Variants in CACNA2D3 observed in about 807,000 individuals in gnomAD.
CACNA2D3 encodes the protein calcium voltage-gated channel auxiliary subunit alpha2delta 3, also known as voltage-dependent calcium channel subunit alpha-2/delta-3.
CACNA2D3 carries 60 observed loss-of-function variants against 160.6 expected under a neutral mutation model. The ratio of observed to expected loss-of-function variants is 0.37; its 90% confidence interval spans 0.30 to 0.46. The LOEUF is 0.46. Among genes scored for constraint, CACNA2D3 ranks in the 20% least tolerant of loss-of-function variants. The probability of loss-of-function intolerance (pLI) is 1.00; values close to 1 mark genes in which losing one functional copy is unlikely to be tolerated. For missense variants in CACNA2D3, 1,205 were observed against 1,365.0 expected, an observed-to-expected ratio of 0.88 and a Z score of 1.85; for synonymous variants, 558 against 492.9, an observed-to-expected ratio of 1.13 and a Z score of -1.75.
chr3:54,558,079 G>T (rs1702266899), intron 5 of CACNA2D3, among the ~76,000 whole-genome samples: 1 of 152,158 alleles, frequency 6.6e-6, no homozygotes, highest in Admixed American at 6.5e-5. Context: ...AGGAGAGGAG[G>T]TGCACTGGGG....
At chr3:54,814,686 T>A (rs1364274959) in intron 13 of CACNA2D3, among the ~76,000 whole-genome samples, 1 of 152,198 alleles carries the variant, frequency 6.6e-6, no homozygotes, top group African/African-American at 2.4e-5. Flanking sequence ...GTGGGGAGGA[T>A]GAGGGCAGTC....
intron 5 of CACNA2D3, among the ~76,000 whole-genome samples, chr3:54,524,692 T>C (rs1486086506): frequency 6.6e-6 from 1 of 152,140 alleles, no homozygotes; most frequent in Non-Finnish European, 1.5e-5. Flanking sequence ...ATGTGTATAA[T>C]TGTTATATCT....
chr3:54,374,085 G>A (rs1436056959), intron 3 of CACNA2D3, among the ~76,000 whole-genome samples: 1 of 152,168 alleles, frequency 6.6e-6, no homozygotes. Flanking sequence ...GGCGTTTCAA[G>A]TAGGCAGGGG....
chr3:54,558,584 A>G (rs999607148), intron 5 of CACNA2D3, among the ~76,000 whole-genome samples: 1 of 152,068 alleles, frequency 6.6e-6, no homozygotes, highest in African/African-American at 2.4e-5. Flanking sequence ...TCCACCCTCA[A>G]GTAGGCCCCA....
At chr3:54,752,529 C>A in intron 11 of CACNA2D3, 70 bp from the exon 12 acceptor site, 2 of 988,300 alleles carry the variant, frequency 2.0e-6, no homozygotes, top group Non-Finnish European at 3.2e-6. Flanking sequence ...TGTGTGTGAG[C>A]CATGCATGTG....
intron 4 of CACNA2D3, among the ~76,000 whole-genome samples, chr3:54,391,859 C>G (rs1379343570): frequency 6.6e-6 from 1 of 152,144 alleles, no homozygotes. Context: ...AGCCCTCTGG[C>G]TTGTCCCTCT....
At chr3:54,434,522 A>G (rs900150715) in intron 4 of CACNA2D3, among the ~76,000 whole-genome samples, 6 of 152,228 alleles carry the variant, frequency 3.9e-5, no homozygotes, top group African/African-American at 1.4e-4. Context: ...GGGTGGTCCC[A>G]GTTAACTAAC....
chr3:54,231,260 C>T (rs1364123320), intron 2 of CACNA2D3, among the ~76,000 whole-genome samples: 1 of 152,156 alleles, frequency 6.6e-6, no homozygotes, highest in Non-Finnish European at 1.5e-5. Flanking sequence ...AGGGGAGCAC[C>T]TTGGCTGGGT....
At chr3:54,270,404 A>G (rs1318946399) in intron 2 of CACNA2D3, among the ~76,000 whole-genome samples, 1 of 152,226 alleles carries the variant, frequency 6.6e-6, no homozygotes, top group East Asian at 1.9e-4. Flanking sequence ...CTGCTCTTGA[A>G]TATACCCCAC....
At chr3:54,550,247 C>T (rs761495979) in intron 5 of CACNA2D3, among the ~76,000 whole-genome samples, 17 of 152,208 alleles carry the variant, frequency 1.1e-4, no homozygotes, top group Admixed American at 3.3e-4. Context: ...CCTGCATCGC[C>T]CGTCCCCTGC....
chr3:54,183,911 A>G (rs1700831532), intron 2 of CACNA2D3, among the ~76,000 whole-genome samples: 1 of 151,074 alleles, frequency 6.6e-6, no homozygotes, highest in Admixed American at 6.6e-5. Context: ...AAAAAAAAAA[A>G]AAAAAAAAAG....
At chr3:55,034,464 T>G (rs1703769821) in intron 35 of CACNA2D3, among the ~76,000 whole-genome samples, 1 of 152,034 alleles carries the variant, frequency 6.6e-6, no homozygotes, top group Non-Finnish European at 1.5e-5. Flanking sequence ...AGTAAGAAAA[T>G]TAACCATTTT....
intron 11 of CACNA2D3, among the ~76,000 whole-genome samples, chr3:54,740,123 C>T (rs2107039441): frequency 6.6e-6 from 1 of 152,052 alleles, no homozygotes; most frequent in African/African-American, 2.4e-5. Flanking sequence ...GAAAAGGACA[C>T]CAAAGACAGG....
chr3:54,243,933 A>G (rs1262916460), intron 2 of CACNA2D3, among the ~76,000 whole-genome samples: 1 of 152,188 alleles, frequency 6.6e-6, no homozygotes, highest in African/African-American at 2.4e-5. Context: ...GAATTGCACA[A>G]TGCTAGTCTG....
chr3:55,067,583 A>G (rs1704691105), intron 35 of CACNA2D3, among the ~76,000 whole-genome samples: 1 of 152,170 alleles, frequency 6.6e-6, no homozygotes, highest in Non-Finnish European at 1.5e-5. Context: ...CTTGTAGAGA[A>G]CTTCAGGGTT....
chr3:54,451,973 C>G lies in CACNA2D3; in HGVS notation c.382-51519C>G, dbSNP rs17054040. ...CCTTTCCTCCTGCATCCTCCAGTGT[C>G]TAACAACTTTCCTCCAGTGTCCAAT... is the stretch of plus-strand genomic sequence containing the variant. On this transcript the variant is annotated intron_variant, in intron 4 of 37. Coordinates refer to ENST00000474759, the MANE Select transcript of CACNA2D3 (RefSeq NM_018398.3). Among the ~76,000 whole-genome samples, 453 of 152,304 alleles carry G rather than the reference C, an allele frequency of 3.0e-3. 18 individuals carry two copies. The East Asian group carries it at 0.069, about 23-fold the overall frequency.
chr3:54,783,702 A>T (rs1461865628), intron 13 of CACNA2D3, among the ~76,000 whole-genome samples: 1 of 152,216 alleles, frequency 6.6e-6, no homozygotes, highest in Non-Finnish European at 1.5e-5. Context: ...TAGCCTTGGC[A>T]ACCCAAGGTA....
chr3:54,879,104 A>G lies in CACNA2D3; in HGVS notation c.1782+15A>G, dbSNP rs116201789. On this transcript the variant is annotated intron_variant, in intron 19 of 37. Coordinates refer to ENST00000474759, the MANE Select transcript of CACNA2D3 (RefSeq NM_018398.3). ...TGGACAAAGGGGTACATTTTTCTCA[A>G]ACATTTTTGCTGCTTAATTTAAAAC... 1,045 of 1,550,998 alleles carry G rather than the reference A, an allele frequency of 6.7e-4. 8 individuals carry two copies. In the African/African-American group the frequency reaches 0.013, roughly 19 times the overall value.
intron 25 of CACNA2D3, 177 bp from the exon 26 acceptor site, chr3:54,896,572 G>GT: frequency 1.6e-6 from 1 of 637,778 alleles, no homozygotes. Flanking sequence ...TCTGCAAGAT[G>GT]TTTTTGAGTA....
Sources: gnomAD v4.1 joint callset for allele counts (sites outside exome capture counted in the v4.1 genomes callset) on GRCh38, gnomAD v4.1.1 for gene constraint, MANE v1.5 for transcripts, NCBI Gene and HGNC (gene_info 2026-07-23, HGNC 2026-07-21) for gene names.